Variants in FAM193A observed in about 807,000 individuals in gnomAD.
FAM193A encodes family with sequence similarity 193 member A.
In FAM193A, 22 loss-of-function variants were observed where a neutral mutation model predicts 126.5. The ratio of observed to expected loss-of-function variants is 0.17; its 90% CI spans 0.12 to 0.25. FAM193A has a LOEUF of 0.25. Among genes scored for constraint, FAM193A ranks in the 10% least tolerant of loss-of-function variants. The probability of loss-of-function intolerance (pLI) is 1.00; values close to 1 mark genes in which losing one functional copy is unlikely to be tolerated. For synonymous variants in FAM193A, 761 were observed against 646.8 expected, an observed-to-expected ratio of 1.18 and a Z score of -2.68; for missense variants, 1,675 against 1,672.8, an observed-to-expected ratio of 1.00 and a Z score of -0.02.
chr4:2,558,305 G>A (rs970497150), intron 1 of FAM193A, among the ~76,000 whole-genome samples: 2 of 151,434 alleles, frequency 1.3e-5, no homozygotes, highest in Non-Finnish European at 1.5e-5. Context: ...AAAAAATAGT[G>A]TACTACAATC....
chr4:2,731,631 G>A, intron 20 of FAM193A, 144 bp from the exon 21 acceptor site: 1 of 647,306 alleles, frequency 1.5e-6, no homozygotes. Context: ...GGGGACCCTT[G>A]ACACTGTGCC....
chr4:2,619,503 T>G (rs537849893), intron 2 of FAM193A, among the ~76,000 whole-genome samples: 16 of 151,958 alleles, frequency 1.1e-4, no homozygotes, highest in Non-Finnish European at 1.8e-4. Context: ...CTAAAAATAC[T>G]AATTTTTGTA....
At chr4:2,612,631 C>T (rs890670042) in intron 2 of FAM193A, among the ~76,000 whole-genome samples, 20 of 152,104 alleles carry the variant, frequency 1.3e-4, no homozygotes, top group Admixed American at 8.5e-4. Flanking sequence ...TAAGAGTCAT[C>T]TTTTTTTGCA....
At chr4:2,671,367 C>G (rs761121280) in intron 12 of FAM193A, among the ~76,000 whole-genome samples, 3 of 152,200 alleles carry the variant, frequency 2.0e-5, no homozygotes, top group African/African-American at 4.8e-5. Flanking sequence ...TCTAAGTTCA[C>G]TGCTTTTACT....
chr4:2,553,375 TC>T (rs1738059471), intron 1 of FAM193A, among the ~76,000 whole-genome samples: 1 of 132,156 alleles, frequency 7.6e-6, no homozygotes, highest in African/African-American at 2.9e-5. Context: ...TAATTTCCCT[TC>T]TTTTTGTTTT....
At chr4:2,627,824 G>A (rs1743129711) in intron 4 of FAM193A, among the ~76,000 whole-genome samples, 1 of 151,098 alleles carries the variant, frequency 6.6e-6, no homozygotes, top group South Asian at 2.1e-4. Context: ...CTCACTGCAA[G>A]CTCTGCCTCC....
rs1430919093 is a variant in FAM193A, at chr4:2,556,333, G to T, written c.255+19163G>T. Among the ~76,000 whole-genome samples, 4 of 152,222 alleles carry T rather than the reference G, an allele frequency of 2.6e-5. No homozygotes were observed. The East Asian group carries it at 5.8e-4, about 22-fold the overall frequency. On this transcript the variant is annotated intron_variant, in intron 1 of 20. Transcript: ENST00000637812. ...CAATTCCCCTGCCTCAGCCTTCCGA[G>T]TAGCTGGGACTACAGGTACGCACCA... is the stretch of plus-strand genomic sequence containing the variant.
chr4:2,590,886 G>C (rs1740531367), intron 1 of FAM193A, among the ~76,000 whole-genome samples: 1 of 151,864 alleles, frequency 6.6e-6, no homozygotes, highest in Non-Finnish European at 1.5e-5. Context: ...AATTAACCAG[G>C]CGTGGTGGCG....
rs1167175301 is a variant in FAM193A at position 2,659,675 on chromosome 4, G to A, written c.1502+5G>A. On this transcript the variant is annotated splice_donor_5th_base_variant and intron_variant, in intron 9 of 20. Transcript: ENST00000637812. ...CAACTGCAACTACAGGAGAAGGTAA[G>A]GCTGGGTTGTGGTGTCAGCACGACT... is the stretch of plus-strand genomic sequence containing the variant. The A allele has an allele frequency of 5.6e-6, 9 of 1,613,734 alleles. No homozygotes were observed. In the South Asian group the frequency reaches 9.9e-5, roughly 18 times the overall value.
In FAM193A at chr4:2,594,553, T is replaced by G. The variant is rs1740742820; in HGVS notation, c.256-1531T>G. Among the ~76,000 whole-genome samples, 3 of 152,270 alleles carry G rather than the reference T, an allele frequency of 2.0e-5. No homozygotes were observed. The South Asian group carries it at 6.2e-4, about 32-fold the overall frequency. Reference sequence around the variant, plus strand: ...CTCACCTCCACCCCACTGTGTGCCCTTTTTCTGGCTGCCTCTGGAAGGCCA... The same window carrying G: ...CTCACCTCCACCCCACTGTGTGCCCGTTTTCTGGCTGCCTCTGGAAGGCCA... On this transcript the variant is annotated intron_variant, in intron 1 of 20. Transcript: ENST00000637812.
chr4:2,678,491 T>A (rs1029764774), intron 13 of FAM193A, among the ~76,000 whole-genome samples: 1 of 151,680 alleles, frequency 6.6e-6, no homozygotes, highest in African/African-American at 2.4e-5. Context: ...GCCTCCTGAG[T>A]AGCTGGGATT....
intron 20 of FAM193A, among the ~76,000 whole-genome samples, chr4:2,725,653 A>G (rs1720661749): frequency 6.6e-6 from 1 of 151,732 alleles, no homozygotes; most frequent in African/African-American, 2.4e-5. Context: ...CTGTAGTTCA[A>G]CAGTTTATAG....
intron 2 of FAM193A, among the ~76,000 whole-genome samples, chr4:2,609,728 G>A (rs547015948): frequency 6.6e-6 from 1 of 152,224 alleles, no homozygotes; most frequent in African/African-American, 2.4e-5. Flanking sequence ...AGGAGATCGA[G>A]ACCATCCTGG....
rs79969925 is a variant in FAM193A, at chr4:2,700,089, A to C, written c.3917A>C (p.Lys1306Thr). ...GACCCCGTCGACACCAGAGACTCCAAATTTCTCCTCCCCAAGGAGGTGAAT... is the reference window on the plus strand; with the variant it reads ...GACCCCGTCGACACCAGAGACTCCACATTTCTCCTCCCCAAGGAGGTGAAT... Reference protein sequence around the residue: ...AADPVDTRDSKFLLPKEVNGK... With the variant: ...AADPVDTRDSTFLLPKEVNGK... The change falls in exon 19 of 21, where the codon AAA (lysine) becomes ACA (threonine). Residue 1306 changes from lysine to threonine, a missense_variant. Physicochemically the swap from Lys to Thr is moderately conservative, Grantham distance 78 (BLOSUM62 -1). This residue lies in a region of FAM193A where 415 missense variants were observed against 396.7 expected (regional missense o/e 1.05). Coordinates refer to ENST00000637812, the MANE Select transcript of FAM193A (RefSeq NM_001366318.2). 1 of 1,613,778 alleles carries C rather than the reference A, an allele frequency of 6.2e-7. No homozygotes were observed.
intron 20 of FAM193A, among the ~76,000 whole-genome samples, chr4:2,720,225 A>C (rs1719979851): frequency 6.6e-6 from 1 of 152,352 alleles, no homozygotes; most frequent in South Asian, 2.1e-4. Context: ...TGTAATTCCT[A>C]GGCTAAAGGA....
intron 5 of FAM193A, among the ~76,000 whole-genome samples, chr4:2,631,835 G>A (rs1009279421): frequency 2.6e-5 from 4 of 152,138 alleles, no homozygotes; most frequent in African/African-American, 9.7e-5. Flanking sequence ...AGTAGGCTGC[G>A]GTCAATCCTC....
chr4:2,646,896 A>C, intron 7 of FAM193A, 64 bp downstream of exon 7: 1 of 1,503,622 alleles, frequency 6.7e-7, no homozygotes, highest in South Asian at 1.3e-5. Context: ...TGAAGGCAGC[A>C]CCAAGTCACT....
chr4:2,577,150 T>G (rs1313277646), intron 1 of FAM193A, among the ~76,000 whole-genome samples: 3 of 131,158 alleles, frequency 2.3e-5, no homozygotes, highest in Admixed American at 8.8e-5. Context: ...GTTATTGTTA[T>G]TACTACTTTT....
At chr4:2,626,938 C>G (rs374414542) in intron 4 of FAM193A, among the ~76,000 whole-genome samples, 1 of 151,758 alleles carries the variant, frequency 6.6e-6, no homozygotes, top group African/African-American at 2.4e-5. Context: ...GGAGAAAGGC[C>G]GAGTTAGCCC....
Sources: gnomAD v4.1 joint callset for allele counts (sites outside exome capture counted in the v4.1 genomes callset) on GRCh38, gnomAD v4.1.1 for gene constraint, gnomAD v4.1.1 regional missense constraint, MANE v1.5 for transcripts, NCBI Gene and HGNC (gene_info 2026-07-23, HGNC 2026-07-21) for gene names.